The following LGI2 variants were observed in gnomAD, a reference collection of about 807,000 sequenced individuals.
The protein encoded by LGI2 is leucine-rich repeat LGI family member 2.
A neutral mutation model predicts 52.0 loss-of-function variants in LGI2; 30 were observed. The observed-to-expected ratio is 0.58, with a 90% CI of 0.43 to 0.78. The LOEUF (loss-of-function observed/expected upper bound fraction) is 0.78, where lower values mean the gene tolerates loss of function less well. LGI2 is among the 30% of genes least tolerant of loss of function. LGI2 has a pLI of 0.00. For synonymous variants in LGI2, 270 were observed against 271.8 expected, an observed-to-expected ratio of 0.99 and a Z score of 0.06; for missense variants, 573 against 692.5, an observed-to-expected ratio of 0.83 and a Z score of 1.94.
At chr4:25,011,151 C>T (rs1725571150) in intron 7 of LGI2, among the ~76,000 whole-genome samples, 1 of 151,998 alleles carries the variant, frequency 6.6e-6, no homozygotes, top group Non-Finnish European at 1.5e-5. Flanking sequence ...CCATCTCCTA[C>T]CAGAGAGGAG....
At chr4:25,019,470 C>G (rs1278723093) in intron 4 of LGI2, among the ~76,000 whole-genome samples, 2 of 151,888 alleles carry the variant, frequency 1.3e-5, no homozygotes, top group African/African-American at 2.4e-5. Flanking sequence ...TATATTTGCT[C>G]AACCTCAGAT....
chr4:25,021,253 G>C (rs1473805274), intron 4 of LGI2, among the ~76,000 whole-genome samples: 2 of 152,124 alleles, frequency 1.3e-5, no homozygotes. Context: ...TACAAATCAT[G>C]GCACTTACTT....
At position 24,999,972 on chromosome 4, in the gene LGI2, G is replaced by C. The variant is rs1340609433; in HGVS notation, c.*3479C>G. 6 of 399,942 alleles carry C rather than the reference G, an allele frequency of 1.5e-5. No homozygotes were observed. The highest frequency in any genetic ancestry group is 5.3e-5 in the South Asian group (3 of 56,114). 24.8% of individuals were successfully genotyped at this position (399,942 alleles called of 1,614,324 possible). On this transcript the variant is annotated 3_prime_UTR_variant, in exon 8 of 8. Coordinates refer to ENST00000382114, the MANE Select transcript of LGI2 (RefSeq NM_018176.4). Reference sequence around the variant, plus strand: ...CAACATCCTCCCCATAGCTATGCAGGGGGAGAAACAACCAGACCAGCTAGA... The same window carrying C: ...CAACATCCTCCCCATAGCTATGCAGCGGGAGAAACAACCAGACCAGCTAGA...
the LGI2 span, among the ~76,000 whole-genome samples, chr4:24,992,521 C>G: frequency 6.6e-6 from 1 of 151,582 alleles, no homozygotes; most frequent in East Asian, 1.9e-4. Flanking sequence ...TGAGACCAGC[C>G]TGGCCAACAT....
rs1311331326 is a variant in LGI2, at chr4:25,001,479, G to A, written c.*1972C>T. 1 of 152,148 alleles carries A rather than the reference G, an allele frequency of 6.6e-6. No homozygotes were observed. Among genetic ancestry groups the A allele is most frequent in the Non-Finnish European group, 1.5e-5 (1 of 68,026 alleles). 9.4% of individuals were successfully genotyped at this position (152,148 alleles called of 1,614,324 possible). On this transcript the variant is annotated 3_prime_UTR_variant, in exon 8 of 8. Transcript: ENST00000382114. The stretch of plus-strand genomic sequence containing the variant: ...GAATAGCTTGCCATCTTTAGGACTG[G>A]AGGAATGGCAAAGCTCTTTCCCTTT...
the LGI2 span, among the ~76,000 whole-genome samples, chr4:24,992,909 G>A: frequency 1.3e-5 from 2 of 152,294 alleles, no homozygotes; most frequent in Admixed American, 6.5e-5. Flanking sequence ...TTACAATGCT[G>A]AGGCTTTTTG....
At position 25,001,727 on chromosome 4, in the gene LGI2, A is replaced by G. The variant is rs1725244467; in HGVS notation, c.*1724T>C. 6.6e-6 allele frequency: 1 copy of G among 152,202 alleles called. No homozygotes were observed. Among genetic ancestry groups the G allele is most frequent in the African/African-American group, 2.4e-5 (1 of 41,460 alleles). 9.4% of individuals were successfully genotyped at this position (152,202 alleles called of 1,614,324 possible). ...TCTGAGGCTAGAAGCCTCAGCCTAC[A>G]GTCCCAGAATGTACCCAAGAGTGCT... is the stretch of plus-strand genomic sequence containing the variant. On this transcript the variant is annotated 3_prime_UTR_variant, in exon 8 of 8. Transcript: ENST00000382114.
At position 25,028,528 on chromosome 4, in the gene LGI2, T is replaced by C. The variant is rs1726217201; in HGVS notation, c.248A>G (p.His83Arg). ...TCACAGCAGCTGCAGAGAAGGCAGA[T>C]GGGAAAACATTCGGTCCTTGATTTC... ...FSEIKDRMFS[H>R]LPSLQLLLLN... Residue 83 changes from histidine to arginine, a missense_variant, in exon 2 of 8, where the codon CAT becomes CGT. Coordinates refer to ENST00000382114, the MANE Select transcript of LGI2 (RefSeq NM_018176.4). 6.2e-7 allele frequency: 1 copy of C among 1,613,532 alleles called. No individual in the cohort carries two copies. Among genetic ancestry groups the C allele is most frequent in the Non-Finnish European group, 8.5e-7 (1 of 1,179,880 alleles).
chr4:25,019,967 A>T lies in LGI2; in HGVS notation c.414-729T>A, dbSNP rs1218918364. On this transcript the variant is annotated intron_variant, in intron 4 of 7. Transcript: ENST00000382114. Reference sequence around the variant, plus strand: ...AGTGCCTGGCACACAGCAGGTACTCAGTATATCTTTGCTGAATTGATGTAT... The same window carrying T: ...AGTGCCTGGCACACAGCAGGTACTCTGTATATCTTTGCTGAATTGATGTAT... Among the ~76,000 whole-genome samples the T allele has an allele frequency of 2.0e-5, 3 of 152,224 alleles. No homozygotes were observed. The East Asian group carries it at 5.8e-4, about 29-fold the overall frequency.
rs932819948 is a variant in LGI2 at position 25,000,959 on chromosome 4, T to C, written c.*2492A>G. 13 of 152,250 alleles carry C rather than the reference T, an allele frequency of 8.5e-5. No homozygotes were observed. The highest frequency in any genetic ancestry group is 2.9e-4 in the African/African-American group (12 of 41,452). The allele number at this position is 152,250 out of a possible 1,614,324, so 9.4% of individuals were successfully genotyped here. ...AGAACATCTATGCTCCTTTAGTAAG[T>C]TGGCCAGAACAAATATCTCCTTCCA... On this transcript the variant is annotated 3_prime_UTR_variant, in exon 8 of 8. Coordinates refer to ENST00000382114, the MANE Select transcript of LGI2 (RefSeq NM_018176.4).
Position 25,003,889 on chromosome 4 carries a change from CT to C in LGI2, c.1199del (p.Gln400ArgfsTer24). On this transcript the variant is annotated frameshift_variant, in exon 8 of 8. Coordinates refer to ENST00000382114, the MANE Select transcript of LGI2 (RefSeq NM_018176.4). LOFTEE classifies it high-confidence loss of function. ...SSRSQVPIIL[Q>X]WNKSSKKFVP... ...CAAACTTCTTAGAGCTTTTATTCCACTGGAGGATGATGGGGACCTGGGAGCG... is the reference window on the plus strand; with the variant it reads ...CAAACTTCTTAGAGCTTTTATTCCACGGAGGATGATGGGGACCTGGGAGCG... 1 of 1,614,176 alleles carries C rather than the reference CT, an allele frequency of 6.2e-7. No homozygotes were observed. The highest frequency in any genetic ancestry group is 8.5e-7 in the Non-Finnish European group (1 of 1,180,030).
Position 25,018,690 on chromosome 4 carries a change from C to T in LGI2, c.485+477G>A, listed in dbSNP as rs191145551. ...TAGCCTGGCCAACATGGTGAAACCC[C>T]GTCTCTACTAAAAATACAAAAATTA... On this transcript the variant is annotated intron_variant, in intron 5 of 7. Transcript: ENST00000382114. Among the ~76,000 whole-genome samples the T allele has an allele frequency of 5.9e-5, 9 of 152,074 alleles. No individual in the cohort carries two copies. In the South Asian group the frequency reaches 1.7e-3, roughly 28 times the overall value.
At chr4:25,018,718 TG>T (rs1725851675) in intron 5 of LGI2, among the ~76,000 whole-genome samples, 1 of 151,846 alleles carries the variant, frequency 6.6e-6, no homozygotes, top group Non-Finnish European at 1.5e-5. Context: ...AAAAATTAGC[TG>T]GGGGTAGTGG....
chr4:25,026,929 A>C lies in LGI2; in HGVS notation c.280T>G (p.Ser94Ala). The C allele has an allele frequency of 6.2e-7, 1 of 1,613,002 alleles. No individual in the cohort carries two copies. Among genetic ancestry groups the C allele is most frequent in the Non-Finnish European group, 8.5e-7 (1 of 1,178,944 alleles). Residue 94 changes from serine (S) to alanine (A), a missense_variant, in exon 3 of 8, where the codon TCT becomes GCT. Ser to Ala is a moderately conservative substitution (Grantham distance 99). Transcript: ENST00000382114. ...TCCCGGATGATCGTGAATGAGTTAG[A>C]ATTCAGCAATCTGAAAGTAAGAGAC... ...LPSLQLLLLN[S>A]NSFTIIRDDA...
chr4:24,997,823 T>C (rs1280002519), downstream of LGI2, among the ~76,000 whole-genome samples: 1 of 152,214 alleles, frequency 6.6e-6, no homozygotes, highest in East Asian at 1.9e-4. Context: ...TCTTTGGTTA[T>C]TGCACCTAAC....
In LGI2 at chr4:25,004,297, T is replaced by C. The variant is rs369983230; in HGVS notation, c.821-29A>G. ...TGCTCCAAAATAAAGGAGAGGACATTAGTGCAACTACAGCTAAAAACGCAT... is the reference window on the plus strand; with the variant it reads ...TGCTCCAAAATAAAGGAGAGGACATCAGTGCAACTACAGCTAAAAACGCAT... On this transcript the variant is annotated intron_variant, in intron 7 of 7. Coordinates refer to ENST00000382114, the MANE Select transcript of LGI2 (RefSeq NM_018176.4). The surrounding 1 kb of genome is among the most constrained non-coding windows in gnomAD (Gnocchi z 4.6). 40 of 1,577,628 alleles carry C rather than the reference T, an allele frequency of 2.5e-5. No homozygotes were observed. The highest frequency in any genetic ancestry group is 3.4e-5 in the Non-Finnish European group (40 of 1,162,540).
At chr4:25,019,627 A>G (rs1285847828) in intron 4 of LGI2, among the ~76,000 whole-genome samples, 1 of 152,062 alleles carries the variant, frequency 6.6e-6, no homozygotes, top group Non-Finnish European at 1.5e-5. Flanking sequence ...ATCTAGCCAC[A>G]CTGGCCTCCT....
chr4:25,027,880 A>G (rs1444169764), intron 2 of LGI2, among the ~76,000 whole-genome samples: 1 of 152,250 alleles, frequency 6.6e-6, no homozygotes, highest in Non-Finnish European at 1.5e-5. Flanking sequence ...CACCACAGGG[A>G]CTTGAGCATT....
At chr4:25,024,761 C>G in intron 4 of LGI2, 59 bp downstream of exon 4, 1 of 1,189,412 alleles carries the variant, frequency 8.4e-7, no homozygotes, top group South Asian at 1.4e-5. Context: ...AGAGAGGCTC[C>G]AGGAAACCAA....
Sources: allele counts gnomAD v4.1 joint callset (sites outside exome capture counted in the v4.1 genomes callset), GRCh38; gene constraint gnomAD v4.1.1; non-coding constraint Gnocchi (gnomAD v3.1); transcripts MANE v1.5; gene names NCBI Gene and HGNC (gene_info 2026-07-23, HGNC 2026-07-21).